PCDH15: variants seen among roughly 807,000 people sequenced by gnomAD.
The protein encoded by PCDH15 is protocadherin related 15, also known as protocadherin-15.
In PCDH15, 129 loss-of-function variants were observed where a neutral mutation model predicts 178.5. That is an observed-to-expected ratio of 0.72 (90% CI 0.63 to 0.84). The LOEUF is 0.84. Ranked by LOEUF, PCDH15 falls within the 40% of genes least tolerant of loss-of-function variation. The pLI is 0.00. For missense variants in PCDH15, 2,230 were observed against 2,099.9 expected, an observed-to-expected ratio of 1.06 and a Z score of -1.21; for synonymous variants, 800 against 732.0, an observed-to-expected ratio of 1.09 and a Z score of -1.50.
intron 8 of PCDH15, among the ~76,000 whole-genome samples, chr10:54,275,143 A>G (rs889722324): frequency 6.6e-6 from 1 of 152,038 alleles, no homozygotes; most frequent in Non-Finnish European, 1.5e-5. Context: ...CTTGGTGGAA[A>G]CAAAACAAAC....
intron 3 of PCDH15, among the ~76,000 whole-genome samples, chr10:54,393,969 C>T (rs1309864580): frequency 6.7e-6 from 1 of 150,350 alleles, no homozygotes; most frequent in African/African-American, 2.5e-5. Flanking sequence ...TGGCTTAATG[C>T]ATGTTTTAGG....
intron 9 of PCDH15, among the ~76,000 whole-genome samples, chr10:54,216,700 T>C (rs2134138783): frequency 6.6e-6 from 1 of 152,296 alleles, no homozygotes; most frequent in East Asian, 1.9e-4. Context: ...GTGGTGTTAA[T>C]ACAAGTGTTG....
chr10:54,851,180 A>C (rs2131766009), intron 3 of PCDH15, among the ~76,000 whole-genome samples: 1 of 152,284 alleles, frequency 6.6e-6, no homozygotes, highest in East Asian at 1.9e-4. Context: ...ATTCTCCACA[A>C]CGTAATCATT....
chr10:54,399,778 C>G (rs148823432), intron 3 of PCDH15, among the ~76,000 whole-genome samples: 24 of 152,162 alleles, frequency 1.6e-4, no homozygotes, highest in Admixed American at 2.0e-4. Flanking sequence ...TCCGCGGGAA[C>G]AGCAAAAGTT....
chr10:54,536,081 G>A (rs2084484554), intron 2 of PCDH15, among the ~76,000 whole-genome samples: 2 of 152,092 alleles, frequency 1.3e-5, no homozygotes, highest in African/African-American at 4.8e-5. Flanking sequence ...TTGGTCCAAG[G>A]TGTAATATTA....
intron 3 of PCDH15, among the ~76,000 whole-genome samples, chr10:54,836,692 AACT>A (rs1297156820): frequency 1.3e-5 from 2 of 152,098 alleles, no homozygotes; most frequent in African/African-American, 2.4e-5. Flanking sequence ...AATATGAATA[AACT>A]AAATCAATTC....
At chr10:55,248,108 GAGGTTGGGGCT>G (rs1292621295) in intron 1 of PCDH15, among the ~76,000 whole-genome samples, 1 of 150,502 alleles carries the variant, frequency 6.6e-6, no homozygotes, top group African/African-American at 2.4e-5. Context: ...TCTTATTACA[GAGGTTGGGGCT>G]TTCTTAATCT....
intron 1 of PCDH15, among the ~76,000 whole-genome samples, chr10:54,736,663 T>C (rs1463795679): frequency 6.6e-6 from 1 of 152,148 alleles, no homozygotes; most frequent in Admixed American, 6.6e-5. Flanking sequence ...TGGTACTTCA[T>C]AGTAGTTACG....
At chr10:55,367,825 C>T (rs1369071322) in intron 2 of PCDH15, among the ~76,000 whole-genome samples, 1 of 152,002 alleles carries the variant, frequency 6.6e-6, no homozygotes, top group Middle Eastern at 3.2e-3. Flanking sequence ...TTACTATTTA[C>T]CTCAGACTTT....
chr10:55,621,048 T>C (rs1317847680), intron 2 of PCDH15, among the ~76,000 whole-genome samples: 1 of 151,836 alleles, frequency 6.6e-6, no homozygotes, highest in Non-Finnish European at 1.5e-5. Context: ...TAGAAAACCA[T>C]TTTTAAACAG....
intron 2 of PCDH15, among the ~76,000 whole-genome samples, chr10:54,897,867 C>T (rs925167980): frequency 3.3e-5 from 5 of 152,046 alleles, no homozygotes; most frequent in Non-Finnish European, 5.9e-5. Context: ...GATATTTTAC[C>T]TAAAACTGAG....
rs78141065 is a variant in PCDH15, at chr10:55,018,967, T to C, written c.-79-121467A>G. Among the ~76,000 whole-genome samples the C allele has an allele frequency of 5.3e-4, 80 of 152,240 alleles. No individual in the cohort carries two copies. In the East Asian group the frequency reaches 0.015, roughly 29 times the overall value. ...TCAGCAGAAAACATCCATTATCAAGTATCATAACAAAAACCACAATGCTAT... is the reference window on the plus strand; with the variant it reads ...TCAGCAGAAAACATCCATTATCAAGCATCATAACAAAAACCACAATGCTAT... On this transcript the variant is annotated intron_variant, in intron 2 of 5. Coordinates refer to the PCDH15 transcript ENST00000458638.
intron 1 of PCDH15, among the ~76,000 whole-genome samples, chr10:55,271,355 T>C (rs1450943714): frequency 6.6e-6 from 1 of 152,094 alleles, no homozygotes; most frequent in Non-Finnish European, 1.5e-5. Context: ...AATTAACTTA[T>C]TACTTTTTGC....
chr10:54,078,324 C>G (rs542428928), intron 17 of PCDH15, among the ~76,000 whole-genome samples: 1 of 151,754 alleles, frequency 6.6e-6, no homozygotes, highest in Non-Finnish European at 1.5e-5. Flanking sequence ...ATTCAGGTAT[C>G]AATTTTATAT....
At chr10:54,794,132 T>C (rs980847491) in intron 1 of PCDH15, among the ~76,000 whole-genome samples, 9 of 146,750 alleles carry the variant, frequency 6.1e-5, no homozygotes, top group Non-Finnish European at 1.2e-4. Flanking sequence ...ATAAGATATA[T>C]ATATATCTTA....
At chr10:53,968,239 A>G (rs7896432) in intron 21 of PCDH15, among the ~76,000 whole-genome samples, 107,159 of 151,900 alleles carry the variant, frequency 0.71, 38,182 homozygotes, top group East Asian at 0.87. Flanking sequence ...CACACCCATG[A>G]AGCCTCACTC....
intron 2 of PCDH15, among the ~76,000 whole-genome samples, chr10:54,947,528 ATT>A (rs764570413): frequency 1.4e-4 from 22 of 151,842 alleles, no homozygotes; most frequent in Non-Finnish European, 2.9e-4. Flanking sequence ...TTAAACCCAG[ATT>A]TTCTGAAGCC....
At chr10:55,581,365 G>GATTGAAAATGTTTAATTTTCATTGAAAC (rs548526099) in intron 2 of PCDH15, among the ~76,000 whole-genome samples, 5 of 151,568 alleles carry the variant, frequency 3.3e-5, no homozygotes, top group Non-Finnish European at 7.4e-5. Flanking sequence ...TATCTATTTA[G>GATTGAAAATGTTTAATTTTCATTGAAAC]ATTGAAAATG....
At chr10:55,153,020 A>T (rs984377670) in intron 2 of PCDH15, among the ~76,000 whole-genome samples, 1 of 152,072 alleles carries the variant, frequency 6.6e-6, no homozygotes, top group Non-Finnish European at 1.5e-5. Context: ...AATAATATAC[A>T]AGTAATTTTT....
Sources: allele counts gnomAD v4.1 joint callset (sites outside exome capture counted in the v4.1 genomes callset), GRCh38; gene constraint gnomAD v4.1.1; transcripts MANE v1.5; gene names NCBI Gene and HGNC (gene_info 2026-07-23, HGNC 2026-07-21).